The following CSMD2 variants were observed in gnomAD, a reference collection of about 807,000 sequenced individuals.
CSMD2 encodes CUB and sushi domain-containing protein 2.
CSMD2 carries 130 observed loss-of-function variants against 398.5 expected under a neutral mutation model. The observed-to-expected ratio is 0.33, with a 90% CI of 0.28 to 0.38. The LOEUF is 0.38. Ranked by LOEUF, CSMD2 falls within the 10% of genes least tolerant of loss-of-function variation. The pLI is 1.00. For missense variants in CSMD2, 3,829 were observed against 4,764.9 expected (o/e 0.80, Z 5.78); for synonymous variants, 1,828 against 1,908.5 (o/e 0.96, Z 1.10).
intron 1 of CSMD2, among the ~76,000 whole-genome samples, chr1:34,128,505 C>G (rs978032828): frequency 4.6e-5 from 7 of 152,148 alleles, no homozygotes; most frequent in Non-Finnish European, 8.8e-5. Flanking sequence ...GGCAGCTCCA[C>G]CAAAAGAGAA....
chr1:34,138,400 T>A (rs1638961589), intron 1 of CSMD2, among the ~76,000 whole-genome samples: 1 of 152,244 alleles, frequency 6.6e-6, no homozygotes, highest in African/African-American at 2.4e-5. Context: ...CCACTTGCTG[T>A]GTTACTGCAG....
chr1:33,655,733 C>T (rs1571109767), intron 27 of CSMD2, among the ~76,000 whole-genome samples: 2 of 152,348 alleles, frequency 1.3e-5, no homozygotes, highest in Non-Finnish European at 2.9e-5. Flanking sequence ...TGGCAGAACG[C>T]CCAGGGAGCT....
intron 3 of CSMD2, among the ~76,000 whole-genome samples, chr1:33,997,228 G>A (rs7525205): frequency 0.044 from 6,669 of 152,276 alleles, 209 homozygotes; most frequent in East Asian, 0.15. Context: ...GACTTGGAGA[G>A]CTGCAGAGGC....
chr1:34,059,718 GTGAATGAA>G (rs146583969), intron 2 of CSMD2, among the ~76,000 whole-genome samples: 3 of 151,342 alleles, frequency 2.0e-5, no homozygotes, highest in African/African-American at 7.3e-5. Context: ...GAATGAATAC[GTGAATGAA>G]TGAATGAATG....
At position 33,714,693 on chromosome 1, in the gene CSMD2, G is replaced by A. The variant is rs376850651; in HGVS notation, c.3300C>T (p.Thr1100=). 6.2e-7 allele frequency: 1 copy of A among 1,614,100 alleles called. No individual in the cohort carries two copies. The highest frequency in any genetic ancestry group is 1.1e-5 in the South Asian group (1 of 91,086). The change falls in exon 21 of 71, where the codon ACC becomes ACT. Residue 1100 remains threonine, a synonymous_variant. Transcript: ENST00000373381. ...RKGLQFGVGD[T]LTFSCFPGYR... ...ACCCGGGGAAGCAGGAGAAGGTCAA[G>A]GTGTCGCCCACGCCAAACTGCAAGC...
intron 5 of CSMD2, among the ~76,000 whole-genome samples, chr1:33,883,333 C>T (rs1253332791): frequency 1.3e-5 from 2 of 152,186 alleles, no homozygotes; most frequent in African/African-American, 4.8e-5. Context: ...TGCTAAATAT[C>T]TCCGAGCCTC....
chr1:33,536,376 A>C (rs1031998648), intron 62 of CSMD2, among the ~76,000 whole-genome samples: 6 of 152,134 alleles, frequency 3.9e-5, no homozygotes, highest in African/African-American at 1.4e-4. Flanking sequence ...GGCGCCCGCC[A>C]CCATGCCCGG....
intron 5 of CSMD2, among the ~76,000 whole-genome samples, chr1:33,904,871 C>T (rs1295753718): frequency 1.3e-5 from 2 of 152,184 alleles, no homozygotes; most frequent in Non-Finnish European, 2.9e-5. Flanking sequence ...TGGTCTCAAT[C>T]TCCTGACCTC....
intron 6 of CSMD2, among the ~76,000 whole-genome samples, chr1:33,841,293 C>T (rs1216170050): frequency 6.6e-6 from 1 of 152,180 alleles, no homozygotes; most frequent in Non-Finnish European, 1.5e-5. Flanking sequence ...AGCTCTTTCT[C>T]ACTGTGCAAG....
intron 13 of CSMD2, among the ~76,000 whole-genome samples, chr1:33,764,860 T>C (rs1256223320): frequency 1.3e-5 from 2 of 152,220 alleles, no homozygotes; most frequent in Non-Finnish European, 2.9e-5. Flanking sequence ...AATCTGGGAT[T>C]GTATGTTTAC....
chr1:34,159,861 A>C (rs1641171021), intron 1 of CSMD2, among the ~76,000 whole-genome samples: 1 of 152,196 alleles, frequency 6.6e-6, no homozygotes, highest in South Asian at 2.1e-4. Context: ...CTTTGGCCCC[A>C]GCTTCTATTT....
chr1:33,599,986 C>G (rs1640103936), intron 44 of CSMD2: 1 of 610,888 alleles, frequency 1.6e-6, no homozygotes, highest in Admixed American at 3.1e-5. Flanking sequence ...CCAGTTCTAT[C>G]CACATGGTTT....
At chr1:33,763,909 T>C (rs759070078) in intron 13 of CSMD2, among the ~76,000 whole-genome samples, 14 of 152,104 alleles carry the variant, frequency 9.2e-5, no homozygotes, top group Non-Finnish European at 1.8e-4. Flanking sequence ...TTCTTCAATA[T>C]GTATGCCCCA....
At chr1:33,863,349 T>A (rs952171659) in intron 5 of CSMD2, 9 of 152,194 alleles carry the variant, frequency 5.9e-5, no homozygotes, top group Admixed American at 2.0e-4. Context: ...GTTCTAAACC[T>A]AAGAAATGGG....
At chr1:33,802,492 C>T (rs1378584427) in intron 10 of CSMD2, among the ~76,000 whole-genome samples, 1 of 152,210 alleles carries the variant, frequency 6.6e-6, no homozygotes, top group Non-Finnish European at 1.5e-5. Context: ...CTCTTTGGGC[C>T]TTCTCATTGC....
intron 5 of CSMD2, among the ~76,000 whole-genome samples, chr1:33,878,669 G>C (rs189142956): frequency 3.5e-4 from 53 of 152,304 alleles, no homozygotes; most frequent in African/African-American, 1.1e-3. Flanking sequence ...GTGTCCGAAA[G>C]ACACCCTTGG....
intron 1 of CSMD2, among the ~76,000 whole-genome samples, chr1:34,161,490 T>TA (rs1641323638): frequency 1.3e-5 from 2 of 152,272 alleles, no homozygotes; most frequent in South Asian, 4.1e-4. Flanking sequence ...GTGTTAGTAT[T>TA]AGAGACTGAG....
At chr1:33,746,857 C>T (rs529503983) in intron 13 of CSMD2, among the ~76,000 whole-genome samples, 46 of 152,288 alleles carry the variant, frequency 3.0e-4, no homozygotes, top group Non-Finnish European at 5.9e-4. Context: ...CTCCAAACCT[C>T]GACCAACAGA....
intron 2 of CSMD2, among the ~76,000 whole-genome samples, chr1:34,066,383 C>T (rs1203582360): frequency 6.6e-6 from 1 of 152,180 alleles, no homozygotes; most frequent in African/African-American, 2.4e-5. Context: ...ATTTCCTTTC[C>T]CTCGGAATTT....
Sources: gnomAD v4.1 joint callset for allele counts (sites outside exome capture counted in the v4.1 genomes callset) on GRCh38, gnomAD v4.1.1 for gene constraint, MANE v1.5 for transcripts, NCBI Gene and HGNC (gene_info 2026-07-23, HGNC 2026-07-21) for gene names.